The following AHI1 variants were observed in gnomAD, a reference collection of about 807,000 sequenced individuals.
The protein encoded by AHI1 is Abelson helper integration site 1, also known as jouberin.
Under a neutral mutation model 149.3 loss-of-function variants are expected in AHI1, and 123 were observed. The observed-to-expected ratio is 0.82, with a 90% CI of 0.71 to 0.96. AHI1 has a LOEUF of 0.96. AHI1 is among the 40% of genes least tolerant of loss of function. The probability of loss-of-function intolerance (pLI) is 0.00; values close to 1 mark genes in which losing one functional copy is unlikely to be tolerated. For missense variants in AHI1, 1,439 were observed against 1,422.7 expected (o/e 1.01, Z -0.18); for synonymous variants, 475 against 459.8 (o/e 1.03, Z -0.42).
chr6:135,392,479 G>A (rs1778647568), intron 23 of AHI1, among the ~76,000 whole-genome samples: 1 of 152,138 alleles, frequency 6.6e-6, no homozygotes, highest in African/African-American at 2.4e-5. Context: ...CCTAGCATGA[G>A]CGCTAATGGG....
At chr6:135,411,231 T>C (rs536402900) in intron 21 of AHI1, 117 bp downstream of exon 21, 23 of 962,080 alleles carry the variant, frequency 2.4e-5, no homozygotes, top group Admixed American at 1.0e-4. Context: ...CATAAAAGTA[T>C]AGGAAGGTCT....
At chr6:135,316,040 C>T (rs775947647) in intron 26 of AHI1, among the ~76,000 whole-genome samples, 5 of 117,196 alleles carry the variant, frequency 4.3e-5, no homozygotes, top group South Asian at 2.6e-4. Flanking sequence ...TTATCCCCCA[C>T]CTTGTAGTTG....
intron 24 of AHI1, among the ~76,000 whole-genome samples, chr6:135,344,702 TTC>T (rs201934681): frequency 1.3e-5 from 2 of 151,280 alleles, no homozygotes; most frequent in Non-Finnish European, 1.5e-5. Flanking sequence ...TTCTTTTTCT[TTC>T]TCTCTCTTTC....
chr6:135,360,844 A>G (rs889998996), intron 23 of AHI1, among the ~76,000 whole-genome samples: 1 of 152,214 alleles, frequency 6.6e-6, no homozygotes, highest in Non-Finnish European at 1.5e-5. Context: ...AAAAATTATA[A>G]AAGCAGTCTG....
chr6:135,302,822 A>G, intron 26 of AHI1: 1 of 1,288,894 alleles, frequency 7.8e-7, no homozygotes, highest in East Asian at 5.6e-5. Context: ...TTTTACCTTT[A>G]AACGAAAAAG....
At chr6:135,309,526 A>G (rs1436775817) in intron 26 of AHI1, among the ~76,000 whole-genome samples, 1 of 146,744 alleles carries the variant, frequency 6.8e-6, no homozygotes, top group Non-Finnish European at 1.5e-5. Context: ...CTTGTTGCCC[A>G]GCCTGGAGTG....
chr6:135,340,881 T>C (rs1790267958), intron 24 of AHI1, among the ~76,000 whole-genome samples: 1 of 151,198 alleles, frequency 6.6e-6, no homozygotes, highest in Non-Finnish European at 1.5e-5. Context: ...GAAATTAACT[T>C]GGTATTAATC....
rs1562758269 is a variant in AHI1, at chr6:135,433,035, T to A, written c.2258A>T (p.Asp753Val). The A allele has an allele frequency of 6.2e-7, 1 of 1,609,976 alleles. No individual in the cohort carries two copies. Among genetic ancestry groups the A allele is most frequent in the Non-Finnish European group, 8.5e-7 (1 of 1,176,392 alleles). Reference protein sequence around the residue: ...HKSFINSLCFDTEGHHMYSGD... With the variant: ...HKSFINSLCFVTEGHHMYSGD... ...CATAGTCTCTGACATACCTTCAGTA[T>A]CAAAACAAAGTGAGTTGATAAAACT... The change falls in exon 16 of 29, where the codon GAT (aspartate) becomes GTT (valine). Residue 753 changes from aspartate to valine, a missense_variant. Physicochemically the swap from Asp to Val is radical, Grantham distance 152 (BLOSUM62 -3). Transcript: ENST00000265602.
At chr6:135,346,613 G>A (rs1438898428) in intron 24 of AHI1, among the ~76,000 whole-genome samples, 1 of 152,118 alleles carries the variant, frequency 6.6e-6, no homozygotes, top group Non-Finnish European at 1.5e-5. Flanking sequence ...ATTAGAATAT[G>A]AGCTGGACAG....
At chr6:135,338,993 T>C (rs776575186) in intron 24 of AHI1, among the ~76,000 whole-genome samples, 40 of 151,198 alleles carry the variant, frequency 2.6e-4, no homozygotes, top group Non-Finnish European at 5.4e-4. Flanking sequence ...AGTGGTGCAA[T>C]CTCGGCTCAC....
Position 135,447,036 on chromosome 6 carries a change from A to C in AHI1, c.1751T>G (p.Val584Gly), listed in dbSNP as rs1787350925. ...CCCAGGGAGTCGTTTCCACTTTATTACTTCCTTTGACTCTTCTAATCCAGG... is the reference window on the plus strand; with the variant it reads ...CCCAGGGAGTCGTTTCCACTTTATTCCTTCCTTTGACTCTTCTAATCCAGG... ...TEPGLEESKE[V>G]IKWKRLPGQA... The change falls in exon 13 of 29, where the codon GTA becomes GGA. Residue 584 changes from valine to glycine, a missense_variant. Coordinates refer to ENST00000265602, the MANE Select transcript of AHI1 (RefSeq NM_001134831.2). 1 of 1,606,934 alleles carries C rather than the reference A, an allele frequency of 6.2e-7. No individual in the cohort carries two copies. Among genetic ancestry groups the C allele is most frequent in the Non-Finnish European group, 8.5e-7 (1 of 1,175,808 alleles).
chr6:135,391,224 C>A (rs915715423), intron 23 of AHI1, among the ~76,000 whole-genome samples: 1 of 152,170 alleles, frequency 6.6e-6, no homozygotes, highest in South Asian at 2.1e-4. Context: ...GAATCCCTTT[C>A]ATATTCATTC....
At chr6:135,310,786 C>T (rs1374976305) in intron 26 of AHI1, among the ~76,000 whole-genome samples, 1 of 152,090 alleles carries the variant, frequency 6.6e-6, no homozygotes, top group Non-Finnish European at 1.5e-5. Context: ...ATACTTATTA[C>T]TGTACATCTA....
chr6:135,402,396 A>G (rs1780144811), intron 22 of AHI1, among the ~76,000 whole-genome samples: 1 of 152,230 alleles, frequency 6.6e-6, no homozygotes, highest in African/African-American at 2.4e-5. Flanking sequence ...TTATCTTAAT[A>G]GCTAAAAAGT....
chr6:135,453,104 T>A (rs1285209538), intron 11 of AHI1, among the ~76,000 whole-genome samples: 5 of 152,298 alleles, frequency 3.3e-5, no homozygotes, highest in Admixed American at 6.5e-5. Flanking sequence ...TGGCTGTTTG[T>A]GTCTTTTTTA....
intron 21 of AHI1, among the ~76,000 whole-genome samples, chr6:135,410,791 T>C (rs1290691354): frequency 6.6e-6 from 1 of 152,204 alleles, no homozygotes; most frequent in African/African-American, 2.4e-5. Flanking sequence ...ACTCTAAATA[T>C]TCTGTTTCTT....
intron 23 of AHI1, among the ~76,000 whole-genome samples, chr6:135,383,312 C>T (rs891798738): frequency 1.4e-5 from 2 of 138,452 alleles, no homozygotes; most frequent in African/African-American, 2.8e-5. Context: ...TCACTGCAGC[C>T]TCAACCTCCT....
intron 24 of AHI1, among the ~76,000 whole-genome samples, chr6:135,337,241 A>G (rs970271192): frequency 6.6e-6 from 1 of 152,218 alleles, no homozygotes; most frequent in African/African-American, 2.4e-5. Context: ...ACTTTTCTTC[A>G]TACTAATTTC....
At chr6:135,366,248 T>C (rs1310980622) in intron 23 of AHI1, among the ~76,000 whole-genome samples, 1 of 152,124 alleles carries the variant, frequency 6.6e-6, no homozygotes, top group East Asian at 1.9e-4. Flanking sequence ...AGTTTTCTTT[T>C]TTTTTTGTTA....
Sources: allele counts gnomAD v4.1 joint callset (sites outside exome capture counted in the v4.1 genomes callset), GRCh38; gene constraint gnomAD v4.1.1; transcripts MANE v1.5; gene names NCBI Gene and HGNC (gene_info 2026-07-23, HGNC 2026-07-21).